The following NRXN1 variants were observed in gnomAD, a reference collection of about 807,000 sequenced individuals.
NRXN1 encodes neurexin-1.
A neutral mutation model predicts 150.9 loss-of-function variants in NRXN1; 39 were observed. The ratio of observed to expected loss-of-function variants is 0.26; its 90% CI spans 0.20 to 0.34. The LOEUF (loss-of-function observed/expected upper bound fraction) is 0.34, where lower values mean the gene tolerates loss of function less well. Among genes scored for constraint, NRXN1 ranks in the 10% least tolerant of loss-of-function variants. The pLI, the probability that NRXN1 is intolerant of heterozygous loss-of-function variation, is 1.00. For synonymous variants in NRXN1, 924 were observed against 757.0 expected (o/e 1.22, Z -3.62); for missense variants, 1,815 against 1,949.9 (o/e 0.93, Z 1.30).
chr2:50,405,357 A>C (rs1217563014), intron 17 of NRXN1, among the ~76,000 whole-genome samples: 3 of 152,154 alleles, frequency 2.0e-5, no homozygotes, highest in African/African-American at 7.2e-5. Context: ...TGCTATTGCA[A>C]ACAATGGTGT....
intron 8 of NRXN1, among the ~76,000 whole-genome samples, chr2:50,584,572 A>T (rs181997374): frequency 7.7e-4 from 117 of 152,338 alleles, no homozygotes; most frequent in African/African-American, 2.7e-3. Flanking sequence ...AAAGAAGATA[A>T]ATATGATGAG....
intron 8 of NRXN1, among the ~76,000 whole-genome samples, chr2:50,562,621 C>T (rs1669276652): frequency 6.6e-6 from 1 of 152,080 alleles, no homozygotes; most frequent in African/African-American, 2.4e-5. Flanking sequence ...ATGTTGTCTT[C>T]TGTTTAAGGT....
chr2:49,998,975 A>C (rs1683461251), intron 21 of NRXN1, among the ~76,000 whole-genome samples: 1 of 152,100 alleles, frequency 6.6e-6, no homozygotes, highest in Non-Finnish European at 1.5e-5. Context: ...AGCTCAGGCA[A>C]ATTACCTTGT....
intron 8 of NRXN1, among the ~76,000 whole-genome samples, chr2:50,598,924 ATTTTG>A (rs1002910358): frequency 3.3e-5 from 5 of 151,340 alleles, no homozygotes; most frequent in African/African-American, 7.3e-5. Context: ...CACTTGGCTA[ATTTTG>A]TTTTGTTTTG....
chr2:50,060,654 G>A (rs1239277006), intron 19 of NRXN1, among the ~76,000 whole-genome samples: 1 of 152,172 alleles, frequency 6.6e-6, no homozygotes, highest in African/African-American at 2.4e-5. Context: ...CACCCAGTGG[G>A]AGGTAATTGA....
intron 17 of NRXN1, among the ~76,000 whole-genome samples, chr2:50,285,660 G>T (rs538752787): frequency 2.7e-4 from 41 of 152,128 alleles, no homozygotes; most frequent in African/African-American, 9.4e-4. Flanking sequence ...ATTGTAAAAT[G>T]GTCAGATGAG....
intron 17 of NRXN1, among the ~76,000 whole-genome samples, chr2:50,327,399 G>C (rs915055793): frequency 3.3e-5 from 5 of 152,168 alleles, no homozygotes; most frequent in Admixed American, 3.3e-4. Context: ...CTAAGACGTA[G>C]CTTGAGAGTC....
intron 17 of NRXN1, among the ~76,000 whole-genome samples, chr2:50,388,545 A>G (rs1384486422): frequency 1.3e-5 from 2 of 152,138 alleles, no homozygotes; most frequent in African/African-American, 2.4e-5. Context: ...CTGACAGTCA[A>G]AACATCTTCC....
intron 2 of NRXN1, among the ~76,000 whole-genome samples, chr2:50,983,091 GTT>G (rs1460040266): frequency 1.3e-5 from 2 of 151,964 alleles, no homozygotes; most frequent in African/African-American, 2.4e-5. Flanking sequence ...CTCTAAATTT[GTT>G]ACATTAGAAG....
intron 18 of NRXN1, among the ~76,000 whole-genome samples, chr2:50,165,893 T>A (rs1178374323): frequency 1.3e-5 from 2 of 152,130 alleles, no homozygotes; most frequent in Non-Finnish European, 1.5e-5. Flanking sequence ...ACAGCTGGAG[T>A]CTTGTACTAC....
intron 5 of NRXN1, among the ~76,000 whole-genome samples, chr2:50,865,660 T>TTTTTTG (rs1559368546): frequency 2.6e-4 from 18 of 70,576 alleles, no homozygotes; most frequent in African/African-American, 4.7e-4. Context: ...ATTTGAAAGT[T>TTTTTTG]TTTTTTTTTT....
chr2:49,954,197 A>G (rs966997303), intron 21 of NRXN1, among the ~76,000 whole-genome samples: 1 of 150,844 alleles, frequency 6.6e-6, no homozygotes, highest in Admixed American at 6.6e-5. Flanking sequence ...TCTCTCACTT[A>G]CACTAGCCCC....
chr2:50,830,630 A>G (rs1406891654), intron 5 of NRXN1, among the ~76,000 whole-genome samples: 4 of 151,462 alleles, frequency 2.6e-5, no homozygotes, highest in African/African-American at 4.9e-5. Context: ...CTCTAGGGCA[A>G]CACAGTTCCC....
At chr2:50,505,204 T>C (rs2092157979) in intron 13 of NRXN1, among the ~76,000 whole-genome samples, 1 of 151,854 alleles carries the variant, frequency 6.6e-6, no homozygotes, top group Non-Finnish European at 1.5e-5. Context: ...GGACGGTAAG[T>C]CAAAAACCAA....
intron 18 of NRXN1, among the ~76,000 whole-genome samples, chr2:50,123,071 T>C (rs1361515406): frequency 6.6e-6 from 1 of 152,188 alleles, no homozygotes; most frequent in Non-Finnish European, 1.5e-5. Flanking sequence ...TCAACTTACA[T>C]TTACCAATGA....
At chr2:50,174,677 T>C (rs2060242278) in intron 18 of NRXN1, 1 of 152,144 alleles carries the variant, frequency 6.6e-6, no homozygotes, top group African/African-American at 2.4e-5. Context: ...AACAGTTCTA[T>C]AAAACAGATA....
intron 21 of NRXN1, among the ~76,000 whole-genome samples, chr2:50,003,730 C>T (rs1281303245): frequency 2.0e-5 from 3 of 152,092 alleles, no homozygotes; most frequent in African/African-American, 7.2e-5. Flanking sequence ...TACCATAATA[C>T]AGTGTTCTTT....
At chr2:50,274,227 G>C (rs1379126081) in intron 17 of NRXN1, among the ~76,000 whole-genome samples, 1 of 152,112 alleles carries the variant, frequency 6.6e-6, no homozygotes, top group Non-Finnish European at 1.5e-5. Context: ...CCCTTCACAG[G>C]GACATGGATG....
chr2:50,107,539 A>ATATATATATTTTT lies in NRXN1; in HGVS notation c.3547-16046_3547-16045insAAAAATATATATA, dbSNP rs59921941. Among the ~76,000 whole-genome samples, 174 of 129,864 alleles carry ATATATATATTTTT rather than the reference A, an allele frequency of 1.3e-3. 1 individual carries two copies. Among genetic ancestry groups the ATATATATATTTTT allele is most frequent in the Non-Finnish European group, 1.9e-3 (116 of 62,076 alleles). 85.2% of individuals were successfully genotyped at this position (129,864 alleles called of 152,430 possible). A position where few individuals can be genotyped will look rare whatever the true frequency, so the allele number is the denominator to read the frequency against. On this transcript the variant is annotated intron_variant, in intron 18 of 22. Transcript: ENST00000401669. ...AGACTACATATATATATATATATATATTTTTTTTTTTTACCCAAGTACTAC... is the reference window on the plus strand; with the variant it reads ...AGACTACATATATATATATATATATATATATATATTTTTTTTTTTTTTTTTACCCAAGTACTAC...
Sources: allele counts gnomAD v4.1 joint callset (sites outside exome capture counted in the v4.1 genomes callset), GRCh38; gene constraint gnomAD v4.1.1; transcripts MANE v1.5; gene names NCBI Gene and HGNC (gene_info 2026-07-23, HGNC 2026-07-21).